The following RIMKLB variants were observed in gnomAD, a reference collection of about 807,000 sequenced individuals.
RIMKLB encodes the protein beta-citrylglutamate synthase B.
A neutral mutation model predicts 32.0 loss-of-function variants in RIMKLB; 7 were observed. That is an observed-to-expected ratio of 0.22 (90% CI 0.12 to 0.41). The LOEUF is 0.41. Among genes scored for constraint, RIMKLB ranks in the 10% least tolerant of loss-of-function variants. The pLI is 1.00. For missense variants in RIMKLB, 289 were observed against 498.7 expected (o/e 0.58, Z 4.00); for synonymous variants, 172 against 185.1 (o/e 0.93, Z 0.57).
intron 2 of RIMKLB, chr12:8,742,793 C>T (rs192786907): frequency 2.5e-4 from 55 of 222,270 alleles, no homozygotes; most frequent in African/African-American, 1.1e-3. Context: ...GGAGCTGTGC[C>T]TTCTGATGGT....
the RIMKLB span, among the ~76,000 whole-genome samples, chr12:8,669,746 G>A: frequency 3.9e-5 from 6 of 152,018 alleles, no homozygotes; most frequent in African/African-American, 1.2e-4. Flanking sequence ...AGAAGGAATC[G>A]GCTGGGTGCG....
chr12:8,717,804 T>C (rs1945010553), intron 2 of RIMKLB, among the ~76,000 whole-genome samples: 1 of 152,252 alleles, frequency 6.6e-6, no homozygotes, highest in African/African-American at 2.4e-5. Context: ...TAGTTATATT[T>C]GCCTTTCCCA....
At chr12:8,758,358 T>G (rs1010495113) in intron 5 of RIMKLB, among the ~76,000 whole-genome samples, 3 of 152,060 alleles carry the variant, frequency 2.0e-5, no homozygotes, top group African/African-American at 4.8e-5. Flanking sequence ...TAGCCTCAAG[T>G]GATCCTCCCA....
At chr12:8,757,470 C>CAAAAAAAAAAA (rs55670138) in intron 5 of RIMKLB, among the ~76,000 whole-genome samples, 10 of 71,414 alleles carry the variant, frequency 1.4e-4, no homozygotes, top group African/African-American at 4.4e-4. Context: ...GACCCTGTCT[C>CAAAAAAAAAAA]AAAAAAAAAA....
intron 2 of RIMKLB, among the ~76,000 whole-genome samples, chr12:8,728,293 T>G (rs1270807725): frequency 1.3e-5 from 2 of 152,168 alleles, no homozygotes; most frequent in Non-Finnish European, 2.9e-5. Flanking sequence ...TTCAGATAAC[T>G]TGTATTTTTT....
chr12:8,706,960 G>A (rs1294338334), intron 1 of RIMKLB, among the ~76,000 whole-genome samples: 2 of 152,146 alleles, frequency 1.3e-5, no homozygotes, highest in East Asian at 1.9e-4. Flanking sequence ...AATGAAACTC[G>A]GGGGATCATA....
chr12:8,731,851 TATTTTAAAG>T (rs1464702998), intron 2 of RIMKLB, among the ~76,000 whole-genome samples: 1 of 152,202 alleles, frequency 6.6e-6, no homozygotes, highest in Admixed American at 6.5e-5. Flanking sequence ...TGAGCATACT[TATTTTAAAG>T]TCATTTCAGA....
upstream of RIMKLB, chr12:8,697,975 G>C (rs1223239292): frequency 1.3e-5 from 2 of 158,722 alleles, no homozygotes; most frequent in African/African-American, 4.9e-5. Context: ...GTGTGTGAGC[G>C]GGGTCGCGCG....
intron 2 of RIMKLB, among the ~76,000 whole-genome samples, chr12:8,749,219 ATTTTTTT>A (rs34847350): frequency 7.1e-6 from 1 of 141,014 alleles, no homozygotes; most frequent in Non-Finnish European, 1.6e-5. Flanking sequence ...AACCACTTAG[ATTTTTTT>A]TTTTTTTTTG....
At chr12:8,722,715 C>T (rs944071936) in intron 2 of RIMKLB, among the ~76,000 whole-genome samples, 2 of 152,222 alleles carry the variant, frequency 1.3e-5, no homozygotes, top group Non-Finnish European at 2.9e-5. Flanking sequence ...TTGTATAGTG[C>T]GGCCACCTTC....
chr12:8,698,954 C>A (rs960216511), intron 1 of RIMKLB, among the ~76,000 whole-genome samples: 121 of 90,742 alleles, frequency 1.3e-3, no homozygotes, highest in African/African-American at 4.2e-3. Flanking sequence ...TGCCCCTCAC[C>A]CCCCCCCAAA....
chr12:8,750,279 T>A (rs190455971), intron 3 of RIMKLB, among the ~76,000 whole-genome samples, 187 bp downstream of exon 3: 1 of 152,288 alleles, frequency 6.6e-6, no homozygotes, highest in Admixed American at 6.5e-5. Context: ...TTAGAAAACT[T>A]TTTCTGTAAA....
At chr12:8,678,549 A>C (rs1942358559), upstream of RIMKLB, among the ~76,000 whole-genome samples, 1 of 152,018 alleles carries the variant, frequency 6.6e-6, no homozygotes, top group Non-Finnish European at 1.5e-5. Context: ...GCTGGTCTCG[A>C]ACTCCCGACT....
upstream of RIMKLB, among the ~76,000 whole-genome samples, chr12:8,694,744 G>A (rs757711893): frequency 6.6e-6 from 1 of 152,294 alleles, no homozygotes; most frequent in South Asian, 2.1e-4. Context: ...ATCTGGAAGT[G>A]TTTTGGTGCA....
upstream of RIMKLB, chr12:8,678,768 C>T (rs1942359587): frequency 6.6e-6 from 1 of 152,214 alleles, no homozygotes; most frequent in African/African-American, 2.4e-5. Context: ...TCTTGCATTT[C>T]CCTCATTGTG....
At chr12:8,680,521 CG>C (rs1942389079), upstream of RIMKLB, among the ~76,000 whole-genome samples, 6 of 152,326 alleles carry the variant, frequency 3.9e-5, no homozygotes, top group South Asian at 1.2e-3. Flanking sequence ...CAGTCACCCT[CG>C]GGGCTGCTCT....
chr12:8,776,205 AAT>A lies in RIMKLB; in HGVS notation c.*2424_*2425del. The A allele has an allele frequency of 1.0e-6, 1 of 981,332 alleles. No homozygotes were observed. The highest frequency in any genetic ancestry group is 4.7e-5 in the South Asian group (1 of 21,202). 60.8% of individuals were successfully genotyped at this position (981,332 alleles called of 1,614,324 possible). ...CAAATTAACCAACTATATTATAGGA[AAT>A]ATGTGAAATTAGTTCATTAGCTTTA... is the stretch of plus-strand genomic sequence containing the variant. On this transcript the variant is annotated 3_prime_UTR_variant, in exon 6 of 6. Coordinates refer to ENST00000535829, the MANE Select transcript of RIMKLB (RefSeq NM_001297776.2).
At chr12:8,735,108 G>A (rs1335876059) in intron 2 of RIMKLB, among the ~76,000 whole-genome samples, 6 of 152,188 alleles carry the variant, frequency 3.9e-5, no homozygotes, top group African/African-American at 1.4e-4. Context: ...CAGAAAGTTT[G>A]TAGGTCAAAT....
chr12:8,731,639 T>C (rs1007846609), intron 2 of RIMKLB, among the ~76,000 whole-genome samples: 4 of 152,310 alleles, frequency 2.6e-5, no homozygotes, highest in African/African-American at 9.6e-5. Context: ...CGTTGGGTTT[T>C]AAATTGTGGA....
Sources: gnomAD v4.1 joint callset for allele counts (sites outside exome capture counted in the v4.1 genomes callset) on GRCh38, gnomAD v4.1.1 for gene constraint, MANE v1.5 for transcripts, NCBI Gene and HGNC (gene_info 2026-07-23, HGNC 2026-07-21) for gene names.